PAF1: variants seen among roughly 807,000 people sequenced by gnomAD.
PAF1 encodes RNA polymerase II-associated factor 1 homolog.
Under a neutral mutation model 68.4 loss-of-function variants are expected in PAF1, and 31 were observed. The observed-to-expected ratio is 0.45, with a 90% CI of 0.34 to 0.61. The LOEUF (loss-of-function observed/expected upper bound fraction) is 0.61, where lower values mean the gene tolerates loss of function less well. Among genes scored for constraint, PAF1 ranks in the 20% least tolerant of loss-of-function variants. The pLI is 0.01. For missense variants in PAF1, 435 were observed against 692.9 expected, an observed-to-expected ratio of 0.63 and a Z score of 4.18; for synonymous variants, 256 against 240.5, an observed-to-expected ratio of 1.06 and a Z score of -0.60.
chr19:39,389,652 T>G lies in PAF1; in HGVS notation c.280A>C (p.Ile94Leu). The G allele has an allele frequency of 6.2e-7, 1 of 1,614,140 alleles. No homozygotes were observed. Among genetic ancestry groups the G allele is most frequent in the Non-Finnish European group, 8.5e-7 (1 of 1,180,022 alleles). ...IDLINPDTYR[I>L]DPNVLLDPAD... is the part of the protein sequence containing the mutation. Reference sequence around the variant, plus strand: ...TCTCCCCACACACCATTGGGGTCGATGCGGTAGGTGTCAGGATTGATGAGA... The same window carrying G: ...TCTCCCCACACACCATTGGGGTCGAGGCGGTAGGTGTCAGGATTGATGAGA... The change falls in exon 4 of 14, where the codon ATC (isoleucine) becomes CTC (leucine). Residue 94 changes from isoleucine (I) to leucine (L), a missense_variant. Physicochemically the swap from Ile to Leu is conservative, Grantham distance 5 (BLOSUM62 2). Transcript: ENST00000221265. The surrounding 1 kb of genome is among the most constrained non-coding windows in gnomAD (Gnocchi z 5.3).
Position 39,386,124 on chromosome 19 carries a change from C to G in PAF1, c.1463G>C (p.Gly488Ala), listed in dbSNP as rs754741270. 1.9e-6 allele frequency: 3 copies of G among 1,614,134 alleles called. No individual in the cohort carries two copies. The East Asian group carries it at 6.7e-5, about 36-fold the overall frequency. Residue 488 changes from glycine to alanine, a missense_variant, in exon 14 of 14, where the codon GGG becomes GCG. By Grantham distance (60) the Gly-to-Ala change is moderately conservative. Around this residue, in one of 7 missense-constraint regions of PAF1, gnomAD observed 83 missense variants for 99.9 expected, o/e 0.83. Coordinates refer to ENST00000221265, the MANE Select transcript of PAF1 (RefSeq NM_019088.4). The surrounding 1 kb of genome is among the most constrained non-coding windows in gnomAD (Gnocchi z 6.1). ...GTGGCTCCGGCTCCGCTGGCCACCC[C>G]CATTGCTGCCGCTGTCTGAATCATT... ...SDNDSDSGSN[G>A]GGQRSRSHSR...
Position 39,386,080 on chromosome 19 carries a change from A to AG in PAF1, c.1506dup (p.Phe503LeufsTer15). 1 of 1,613,926 alleles carries AG rather than the reference A, an allele frequency of 6.2e-7. No homozygotes were observed. Among genetic ancestry groups the AG allele is most frequent in the Non-Finnish European group, 8.5e-7 (1 of 1,179,986 alleles). The stretch of plus-strand genomic sequence containing the variant: ...GCCGAGTGCTCGCTGCCACTGGGGA[A>AG]GGGACTGGCGCTGCGGCTGTGGCTC... On this transcript the variant is annotated frameshift_variant, in exon 14 of 14. Coordinates refer to ENST00000221265, the MANE Select transcript of PAF1 (RefSeq NM_019088.4). LOFTEE classifies it high-confidence loss of function. The surrounding 1 kb of genome is among the most constrained non-coding windows in gnomAD (Gnocchi z 6.1).
In PAF1 at chr19:39,390,910, AG is replaced by A. The variant is rs770992282; in HGVS notation, c.-47del. On this transcript the variant is annotated 5_prime_UTR_variant, in exon 1 of 14. Coordinates refer to ENST00000221265, the MANE Select transcript of PAF1 (RefSeq NM_019088.4). Reference sequence around the variant, plus strand: ...CCGGACGGGGTCCTAGCGGGACCGAAGGGGGACGCAGAGGGGCGTGCCGACT... The same window carrying A: ...CCGGACGGGGTCCTAGCGGGACCGAAGGGGACGCAGAGGGGCGTGCCGACT... 2 of 1,548,288 alleles carry A rather than the reference AG, an allele frequency of 1.3e-6. No individual in the cohort carries two copies. Among genetic ancestry groups the A allele is most frequent in the South Asian group, 2.4e-5 (2 of 84,222 alleles).
rs2078336076 is a variant in PAF1 at position 39,389,897 on chromosome 19, C to G, written c.171-136G>C. On this transcript the variant is annotated intron_variant, in intron 3 of 13. Coordinates refer to ENST00000221265, the MANE Select transcript of PAF1 (RefSeq NM_019088.4). This position sits in a 1 kb window ranked among gnomAD's most constrained non-coding sequence, Gnocchi z 5.3. ...CATGGCAGAGTCTGAAAGCTGGCTCCCCAGTGGGAAGGGACTTGGACACTG... is the reference window on the plus strand; with the variant it reads ...CATGGCAGAGTCTGAAAGCTGGCTCGCCAGTGGGAAGGGACTTGGACACTG... 2 of 1,278,054 alleles carry G rather than the reference C, an allele frequency of 1.6e-6. No homozygotes were observed. Among genetic ancestry groups the G allele is most frequent in the Non-Finnish European group, 1.1e-6 (1 of 885,874 alleles). 79.2% of individuals were successfully genotyped at this position (1,278,054 alleles called of 1,614,324 possible).
chr19:39,389,253 C>T lies in PAF1; in HGVS notation c.461+29G>A, dbSNP rs749077532. On this transcript the variant is annotated intron_variant, in intron 6 of 13. Coordinates refer to ENST00000221265, the MANE Select transcript of PAF1 (RefSeq NM_019088.4). This position sits in a 1 kb window ranked among gnomAD's most constrained non-coding sequence, Gnocchi z 5.3. The stretch of plus-strand genomic sequence containing the variant: ...CCACTGGACACACCTAATATCTCCA[C>T]CTTCCCTCTCTTCCTGTTAGTAACT... 2 of 1,608,892 alleles carry T rather than the reference C, an allele frequency of 1.2e-6. No homozygotes were observed. Among genetic ancestry groups the T allele is most frequent in the South Asian group, 2.2e-5 (2 of 90,994 alleles).
rs753157225 is a variant in PAF1, at chr19:39,389,365, C to T, written c.378G>A (p.Lys126=). 2 of 1,614,172 alleles carry T rather than the reference C, an allele frequency of 1.2e-6. No individual in the cohort carries two copies. The highest frequency in any genetic ancestry group is 1.7e-6 in the Non-Finnish European group (2 of 1,180,006). The change falls in exon 6 of 14, where the codon AAG becomes AAA. Residue 126 remains lysine (K), a synonymous_variant. Transcript: ENST00000221265. The surrounding 1 kb of genome is among the most constrained non-coding windows in gnomAD (Gnocchi z 5.3). ...TSSKRSQQHA[K]VVPWMRKTEY... Reference sequence around the variant, plus strand: ...CTGTCTTTCGCATCCATGGCACCACCTTCGCGTGCTGCTGGGATCTGGGGT... The same window carrying T: ...CTGTCTTTCGCATCCATGGCACCACTTTCGCGTGCTGCTGGGATCTGGGGT...
rs939549523 is a variant in PAF1 at position 39,385,913 on chromosome 19, G to A, written c.*78C>T. 1.3e-6 allele frequency: 2 copies of A among 1,575,152 alleles called. No individual in the cohort carries two copies. The highest frequency in any genetic ancestry group is 1.3e-5 in the African/African-American group (1 of 74,154). On this transcript the variant is annotated 3_prime_UTR_variant, in exon 14 of 14. Coordinates refer to ENST00000221265, the MANE Select transcript of PAF1 (RefSeq NM_019088.4). ...GGGGTGGGGAACAAACAAGTGAAAG[G>A]CTCACAAACAGACCACTAGAAAAGT...
chr19:39,389,962 A>T lies in PAF1; in HGVS notation c.170+107T>A. ...AATTGAGCAGCTACTACTATGTGCT[A>T]GGGTAGGTACTGTGCTAGGCCCTGA... is the stretch of plus-strand genomic sequence containing the variant. On this transcript the variant is annotated intron_variant, in intron 3 of 13. Transcript: ENST00000221265. The surrounding 1 kb of genome is among the most constrained non-coding windows in gnomAD (Gnocchi z 5.3). 9.4e-7 allele frequency: 1 copy of T among 1,065,054 alleles called. No individual in the cohort carries two copies. Among genetic ancestry groups the T allele is most frequent in the Non-Finnish European group, 1.4e-6 (1 of 693,634 alleles). The allele number at this position is 1,065,054 out of a possible 1,614,324, so 66.0% of individuals were successfully genotyped here.
rs776215575 is a variant in PAF1 at position 39,389,619 on chromosome 19, C to T, written c.292+21G>A. ...GAGCCTTTGCTGACCTAGAGCAGAC[C>T]CTCCCTGTCTCCCCACACACCATTG... On this transcript the variant is annotated intron_variant, in intron 4 of 13. Transcript: ENST00000221265. The surrounding 1 kb of genome is among the most constrained non-coding windows in gnomAD (Gnocchi z 5.3). 6.2e-7 allele frequency: 1 copy of T among 1,614,156 alleles called. No individual in the cohort carries two copies. The highest frequency in any genetic ancestry group is 8.5e-7 in the Non-Finnish European group (1 of 1,180,026).
In PAF1 at chr19:39,385,882, G is replaced by A. The variant is rs2078235260; in HGVS notation, c.*109C>T. ...AGAAGTTGACTTTATTAACAGCAAA[G>A]GTTTGGGGGTGGGGAACAAACAAGT... On this transcript the variant is annotated 3_prime_UTR_variant, in exon 14 of 14. Coordinates refer to ENST00000221265, the MANE Select transcript of PAF1 (RefSeq NM_019088.4). 2 of 1,492,162 alleles carry A rather than the reference G, an allele frequency of 1.3e-6. No homozygotes were observed. Among genetic ancestry groups the A allele is most frequent in the Non-Finnish European group, 9.0e-7 (1 of 1,114,248 alleles). The allele number at this position is 1,492,162 out of a possible 1,614,324, so 92.4% of individuals were successfully genotyped here.
At chr19:39,390,648 C>CG (rs1469661791) in intron 1 of PAF1, among the ~76,000 whole-genome samples, 170 bp downstream of exon 1, 1 of 152,206 alleles carries the variant, frequency 6.6e-6, no homozygotes, top group Non-Finnish European at 1.5e-5. Context: ...AATCCCTGAA[C>CG]TGCACGGCGG....
intron 8 of PAF1, 32 bp from the exon 9 acceptor site, chr19:39,388,897 G>C: frequency 6.2e-7 from 1 of 1,611,312 alleles, no homozygotes; most frequent in Non-Finnish European, 8.5e-7. Flanking sequence ...GGTTAGATGG[G>C]AACAGGCACA....
In PAF1 at chr19:39,389,950, C is replaced by G; in HGVS notation, c.170+119G>C. The G allele has an allele frequency of 9.6e-7, 1 of 1,043,308 alleles. No homozygotes were observed. Among genetic ancestry groups the G allele is most frequent in the Admixed American group, 1.8e-5 (1 of 56,016 alleles). 64.6% of individuals were successfully genotyped at this position (1,043,308 alleles called of 1,614,324 possible). On this transcript the variant is annotated intron_variant, in intron 3 of 13. Coordinates refer to ENST00000221265, the MANE Select transcript of PAF1 (RefSeq NM_019088.4). The surrounding 1 kb of genome is among the most constrained non-coding windows in gnomAD (Gnocchi z 5.3). ...TGCTCCATTAACAATTGAGCAGCTA[C>G]TACTATGTGCTAGGGTAGGTACTGT... is the stretch of plus-strand genomic sequence containing the variant.
In PAF1 at chr19:39,389,913, T is replaced by G; in HGVS notation, c.171-152A>C. The G allele has an allele frequency of 8.8e-7, 1 of 1,134,906 alleles. No homozygotes were observed. Among genetic ancestry groups the G allele is most frequent in the South Asian group, 1.3e-5 (1 of 75,858 alleles). The allele number at this position is 1,134,906 out of a possible 1,614,324, so 70.3% of individuals were successfully genotyped here. On this transcript the variant is annotated intron_variant, in intron 3 of 13. Transcript: ENST00000221265. The surrounding 1 kb of genome is among the most constrained non-coding windows in gnomAD (Gnocchi z 5.3). Reference sequence around the variant, plus strand: ...AGCTGGCTCCCCAGTGGGAAGGGACTTGGACACTGCTTGCTCCATTAACAA... The same window carrying G: ...AGCTGGCTCCCCAGTGGGAAGGGACGTGGACACTGCTTGCTCCATTAACAA...
chr19:39,385,838 G>T lies in PAF1; in HGVS notation c.*153C>A. The T allele has an allele frequency of 8.8e-7, 1 of 1,140,206 alleles. No homozygotes were observed. Among genetic ancestry groups the T allele is most frequent in the Non-Finnish European group, 1.2e-6 (1 of 814,800 alleles). The allele number at this position is 1,140,206 out of a possible 1,614,324, so 70.6% of individuals were successfully genotyped here. The stretch of plus-strand genomic sequence containing the variant: ...TGCTGGGCTGAATGACATCATAGGG[G>T]CTGGGAGGGGAAGTAAAGAGAAGTT... On this transcript the variant is annotated 3_prime_UTR_variant, in exon 14 of 14. Coordinates refer to ENST00000221265, the MANE Select transcript of PAF1 (RefSeq NM_019088.4).
Position 39,389,349 on chromosome 19 carries a change from G to A in PAF1, c.394C>T (p.Arg132Ter), listed in dbSNP as rs775209420. Residue 132 changes from arginine (R) to a stop codon, truncating the protein, a stop_gained, in exon 6 of 14, where the codon CGA becomes TGA. Transcript: ENST00000221265. LOFTEE classifies it high-confidence loss of function. The surrounding 1 kb of genome is among the most constrained non-coding windows in gnomAD (Gnocchi z 5.3). ...QQHAKVVPWM[R>*]KTEYISTEFN... is the part of the protein sequence containing the mutation. ...TCAGTGGAGATGTACTCTGTCTTTC[G>A]CATCCATGGCACCACCTTCGCGTGC... 6 of 1,614,038 alleles carry A rather than the reference G, an allele frequency of 3.7e-6. No individual in the cohort carries two copies. The highest frequency in any genetic ancestry group is 5.1e-6 in the Non-Finnish European group (6 of 1,179,982).
chr19:39,386,271 C>G lies in PAF1; in HGVS notation c.1316G>C (p.Ser439Thr). Residue 439 changes from serine to threonine, a missense_variant, in exon 14 of 14, where the codon AGC (serine) becomes ACC (threonine). Physicochemically the swap from Ser to Thr is moderately conservative, Grantham distance 58. This residue lies in a region of PAF1 where 78 missense variants were observed against 80.6 expected (regional missense o/e 0.97). Coordinates refer to ENST00000221265, the MANE Select transcript of PAF1 (RefSeq NM_019088.4). The surrounding 1 kb of genome is among the most constrained non-coding windows in gnomAD (Gnocchi z 6.1). ...GGCAGCCCGGGCCTCATCCTCGCTG[C>G]TCTCGTCCTCACCACTGCCACTCTT... is the stretch of plus-strand genomic sequence containing the variant. The part of the protein sequence containing the change: ...SDKSGSGEDE[S>T]SEDEARAARD... The G allele has an allele frequency of 3.7e-6, 6 of 1,614,204 alleles. No individual in the cohort carries two copies. Among genetic ancestry groups the G allele is most frequent in the Non-Finnish European group, 5.1e-6 (6 of 1,180,036 alleles).
chr19:39,387,568 G>A (rs1300940366), intron 11 of PAF1, among the ~76,000 whole-genome samples: 1 of 152,148 alleles, frequency 6.6e-6, no homozygotes, highest in African/African-American at 2.4e-5. Context: ...CCTGGCCTAT[G>A]GGGTCACAGT....
rs1368722256 is a variant in PAF1, at chr19:39,390,242, A to G, written c.77+18T>C. The G allele has an allele frequency of 6.2e-7, 1 of 1,613,894 alleles. No homozygotes were observed. The highest frequency in any genetic ancestry group is 1.7e-5 in the Admixed American group (1 of 59,996). On this transcript the variant is annotated intron_variant, in intron 2 of 13. Transcript: ENST00000221265. Reference sequence around the variant, plus strand: ...CCCCACTGCCCCACCGCTCCTGGGAAAGCACAGTGGGGCTCACCTCTCAGG... The same window carrying G: ...CCCCACTGCCCCACCGCTCCTGGGAGAGCACAGTGGGGCTCACCTCTCAGG...
Sources: gnomAD v4.1 joint callset for allele counts (sites outside exome capture counted in the v4.1 genomes callset) on GRCh38, gnomAD v4.1.1 for gene constraint, gnomAD v4.1.1 regional missense constraint, Gnocchi (gnomAD v3.1) non-coding constraint, MANE v1.5 for transcripts, NCBI Gene and HGNC (gene_info 2026-07-23, HGNC 2026-07-21) for gene names.